Variants in SLC24A2 observed in about 807,000 individuals in gnomAD.
The protein encoded by SLC24A2 is sodium/potassium/calcium exchanger 2.
In SLC24A2, 36 loss-of-function variants were observed where a neutral mutation model predicts 62.0. That is an observed-to-expected ratio of 0.58 (90% CI 0.44 to 0.77). SLC24A2 has a LOEUF of 0.77. Ranked by LOEUF, SLC24A2 falls within the 30% of genes least tolerant of loss-of-function variation. The probability of loss-of-function intolerance (pLI) is 0.00; values close to 1 mark genes in which losing one functional copy is unlikely to be tolerated. For missense variants in SLC24A2, 846 were observed against 817.9 expected (o/e 1.03, Z -0.42); for synonymous variants, 358 against 294.0 (o/e 1.22, Z -2.23).
chr9:19,900,316 G>A, the SLC24A2 span, among the ~76,000 whole-genome samples: 6 of 152,102 alleles, frequency 3.9e-5, no homozygotes, highest in Non-Finnish European at 7.4e-5. Flanking sequence ...TTTTCACTGC[G>A]GAAAATTACC....
At chr9:19,737,644 T>C (rs527350701) in intron 2 of SLC24A2, among the ~76,000 whole-genome samples, 24 of 152,024 alleles carry the variant, frequency 1.6e-4, no homozygotes, top group South Asian at 6.2e-4. Flanking sequence ...AAGAAACATC[T>C]AGAATATCAA....
the SLC24A2 span, among the ~76,000 whole-genome samples, chr9:20,144,363 G>T: frequency 1.8e-4 from 28 of 152,142 alleles, no homozygotes; most frequent in Admixed American, 7.2e-4. Context: ...CAATAAATTT[G>T]CTAGAGCAGG....
the SLC24A2 span, among the ~76,000 whole-genome samples, chr9:20,263,873 C>CCG: frequency 7.9e-5 from 10 of 125,922 alleles, no homozygotes; most frequent in African/African-American, 2.9e-4. Flanking sequence ...CCCCCCCCCC[C>CCG]CATTAAGGCT....
At chr9:19,944,987 G>T in the SLC24A2 span, among the ~76,000 whole-genome samples, 3 of 152,102 alleles carry the variant, frequency 2.0e-5, no homozygotes, top group Admixed American at 6.5e-5. Context: ...TGGATGAACT[G>T]GTCTTCACAC....
intron 5 of SLC24A2, among the ~76,000 whole-genome samples, chr9:19,593,007 C>A (rs1463649716): frequency 6.6e-6 from 1 of 152,214 alleles, no homozygotes; most frequent in East Asian, 1.9e-4. Context: ...AGCAAAATGT[C>A]TCATTCAGAG....
intron 2 of SLC24A2, among the ~76,000 whole-genome samples, chr9:19,672,135 G>C (rs1257545273): frequency 6.8e-6 from 1 of 146,240 alleles, no homozygotes; most frequent in Non-Finnish European, 1.5e-5. Flanking sequence ...ATTGGTACCA[G>C]TTCTTTGAAT....
intron 2 of SLC24A2, among the ~76,000 whole-genome samples, chr9:19,718,136 C>T (rs1343123249): frequency 6.6e-6 from 1 of 151,482 alleles, no homozygotes; most frequent in Admixed American, 6.6e-5. Flanking sequence ...GCTGCCACAC[C>T]CGGCTAATTT....
At chr9:19,532,137 C>A (rs1833738220) in intron 8 of SLC24A2, among the ~76,000 whole-genome samples, 1 of 152,156 alleles carries the variant, frequency 6.6e-6, no homozygotes, top group African/African-American at 2.4e-5. Flanking sequence ...GGCTGGAGTG[C>A]AATGGTGCAA....
chr9:20,137,276 T>A, the SLC24A2 span, among the ~76,000 whole-genome samples: 2 of 152,262 alleles, frequency 1.3e-5, no homozygotes, highest in South Asian at 4.1e-4. Flanking sequence ...ACTTGCATAG[T>A]TGAATTTAAA....
chr9:19,749,056 T>C (rs1821913326), intron 2 of SLC24A2, among the ~76,000 whole-genome samples: 1 of 149,774 alleles, frequency 6.7e-6, no homozygotes, highest in Non-Finnish European at 1.5e-5. Flanking sequence ...CATAAGCCCC[T>C]GAGGTTCTCA....
chr9:19,598,188 G>A (rs12000488), intron 4 of SLC24A2, among the ~76,000 whole-genome samples: 17,327 of 152,180 alleles, frequency 0.11, 1,041 homozygotes, highest in African/African-American at 0.13. Context: ...GCAATTTTGT[G>A]AGCAGGTTAA....
chr9:19,658,676 A>C (rs1369186398), intron 2 of SLC24A2, among the ~76,000 whole-genome samples: 2 of 152,214 alleles, frequency 1.3e-5, no homozygotes, highest in East Asian at 3.9e-4. Flanking sequence ...TTAGGTGTTG[A>C]ATCAATGATA....
chr9:19,975,429 T>G, the SLC24A2 span, among the ~76,000 whole-genome samples: 1 of 152,160 alleles, frequency 6.6e-6, no homozygotes, highest in Non-Finnish European at 1.5e-5. Flanking sequence ...CAACATGGAA[T>G]TGAAGGGAAA....
the SLC24A2 span, among the ~76,000 whole-genome samples, chr9:20,294,177 G>C: frequency 6.6e-6 from 1 of 152,074 alleles, no homozygotes; most frequent in African/African-American, 2.4e-5. Context: ...ACACCCTGTA[G>C]TGCAGTACAG....
chr9:19,691,567 G>A (rs1461407430), intron 2 of SLC24A2, among the ~76,000 whole-genome samples: 2 of 152,140 alleles, frequency 1.3e-5, no homozygotes, highest in Non-Finnish European at 2.9e-5. Context: ...TACTTTAAGA[G>A]TAGTTTAAAG....
At chr9:19,738,870 G>C (rs1821589035) in intron 2 of SLC24A2, among the ~76,000 whole-genome samples, 1 of 152,142 alleles carries the variant, frequency 6.6e-6, no homozygotes, top group African/African-American at 2.4e-5. Flanking sequence ...TGTGATCCCA[G>C]CACTTTGGGA....
intron 7 of SLC24A2, among the ~76,000 whole-genome samples, chr9:19,556,054 G>A (rs1273654331): frequency 6.6e-6 from 1 of 152,172 alleles, no homozygotes; most frequent in East Asian, 1.9e-4. Flanking sequence ...GAAATCTGGA[G>A]GCTCGGCCAT....
the SLC24A2 span, among the ~76,000 whole-genome samples, chr9:19,903,689 C>T: frequency 6.6e-6 from 1 of 152,186 alleles, no homozygotes; most frequent in South Asian, 2.1e-4. Context: ...ATCCACAGAG[C>T]CATGAGAAAA....
At chr9:20,104,618 G>C in the SLC24A2 span, among the ~76,000 whole-genome samples, 1 of 152,020 alleles carries the variant, frequency 6.6e-6, no homozygotes, top group African/African-American at 2.4e-5. Flanking sequence ...AAGTGAAGGA[G>C]AAATAAAATA....
Sources: allele counts gnomAD v4.1 joint callset (sites outside exome capture counted in the v4.1 genomes callset), GRCh38; gene constraint gnomAD v4.1.1; transcripts MANE v1.5; gene names NCBI Gene and HGNC (gene_info 2026-07-23, HGNC 2026-07-21).